PAQR5: variants seen among roughly 807,000 people sequenced by gnomAD.
The protein encoded by PAQR5 is membrane progestin receptor gamma.
A neutral mutation model predicts 34.5 loss-of-function variants in PAQR5; 20 were observed. The observed-to-expected ratio is 0.58, with a 90% CI of 0.41 to 0.84. PAQR5 has a LOEUF of 0.84. PAQR5 is among the 40% of genes least tolerant of loss of function. The pLI is 0.00. For missense variants in PAQR5, 378 were observed against 412.7 expected (o/e 0.92, Z 0.73); for synonymous variants, 131 against 155.6 (o/e 0.84, Z 1.18).
intron 1 of PAQR5, among the ~76,000 whole-genome samples, chr15:69,325,427 C>G (rs1419051696): frequency 6.6e-6 from 1 of 152,138 alleles, no homozygotes; most frequent in Non-Finnish European, 1.5e-5. Context: ...CTGCAATAAC[C>G]ACTGCTTTAC....
chr15:69,305,555 G>A (rs1456913179), intron 1 of PAQR5, among the ~76,000 whole-genome samples: 1 of 152,052 alleles, frequency 6.6e-6, no homozygotes, highest in Non-Finnish European at 1.5e-5. Context: ...CCTGTGGTTC[G>A]GGCCCGCACA....
chr15:69,399,219 G>A (rs1480987491), intron 7 of PAQR5, among the ~76,000 whole-genome samples: 1 of 152,180 alleles, frequency 6.6e-6, no homozygotes, highest in South Asian at 2.1e-4. Flanking sequence ...TGGATGTGCT[G>A]ATAAAAAGTG....
chr15:69,352,282 T>G (rs1036100750), intron 2 of PAQR5, among the ~76,000 whole-genome samples: 2 of 152,204 alleles, frequency 1.3e-5, no homozygotes, highest in African/African-American at 4.8e-5. Flanking sequence ...AACTGAATGC[T>G]TGACCATGGA....
intron 2 of PAQR5, among the ~76,000 whole-genome samples, chr15:69,358,755 T>G (rs749192142): frequency 6.6e-6 from 1 of 151,360 alleles, no homozygotes; most frequent in Non-Finnish European, 1.5e-5. Flanking sequence ...TAGCCCGCCC[T>G]TGAGTATAAC....
chr15:69,361,543 T>A (rs1197738701), intron 3 of PAQR5, among the ~76,000 whole-genome samples: 1 of 152,192 alleles, frequency 6.6e-6, no homozygotes, highest in Non-Finnish European at 1.5e-5. Context: ...TGACTCACAG[T>A]TCCTCATGGC....
chr15:69,355,426 T>C (rs1336767021), intron 2 of PAQR5, among the ~76,000 whole-genome samples: 1 of 150,444 alleles, frequency 6.6e-6, no homozygotes, highest in Non-Finnish European at 1.5e-5. Context: ...TTTTTCTTTT[T>C]CTTTTTTTTC....
chr15:69,349,634 A>AT (rs2054858683), intron 2 of PAQR5, among the ~76,000 whole-genome samples: 2 of 140,054 alleles, frequency 1.4e-5, no homozygotes, highest in Admixed American at 6.9e-5. Context: ...CCCTTAGTTT[A>AT]TTTTTATTTT....
At chr15:69,329,463 CTTTT>C (rs1038357937) in intron 1 of PAQR5, among the ~76,000 whole-genome samples, 7 of 73,758 alleles carry the variant, frequency 9.5e-5, no homozygotes, top group Non-Finnish European at 1.2e-4. Context: ...TTTTTTCTTT[CTTTT>C]TTTTTTTTTT....
intron 3 of PAQR5, among the ~76,000 whole-genome samples, chr15:69,371,054 G>C (rs943644364): frequency 6.6e-6 from 1 of 152,100 alleles, no homozygotes; most frequent in African/African-American, 2.4e-5. Context: ...GCAAAGTTGA[G>C]TTATAGTGTT....
In PAQR5 at chr15:69,389,789, C is replaced by G. The variant is rs200857504; in HGVS notation, c.512+9C>G. On this transcript the variant is annotated intron_variant, in intron 6 of 8. Transcript: ENST00000395407. The stretch of plus-strand genomic sequence containing the variant: ...CTCTCCTGCTACTCCAGGTACTGGT[C>G]GCTCTGACCTCAGATGGGAGGGGAG... The G allele has an allele frequency of 2.5e-6, 4 of 1,613,796 alleles. No homozygotes were observed. The South Asian group carries it at 4.4e-5, about 18-fold the overall frequency.
intron 1 of PAQR5, among the ~76,000 whole-genome samples, chr15:69,322,691 GGAA>G (rs780711031): frequency 0.049 from 1,243 of 25,398 alleles, 72 homozygotes; most frequent in Non-Finnish European, 0.064. Flanking sequence ...AAGGAGAAGA[GGAA>G]GAAGAAGAAG....
intron 6 of PAQR5, among the ~76,000 whole-genome samples, chr15:69,395,476 G>A (rs1055658268): frequency 1.3e-5 from 2 of 152,216 alleles, no homozygotes; most frequent in Non-Finnish European, 2.9e-5. Context: ...GGAGAGAATG[G>A]AGCTCCACGA....
intron 2 of PAQR5, among the ~76,000 whole-genome samples, chr15:69,351,832 C>A (rs2054927796): frequency 6.6e-6 from 1 of 152,104 alleles, no homozygotes; most frequent in Non-Finnish European, 1.5e-5. Flanking sequence ...TGAGATATCC[C>A]TTCTATAAGA....
chr15:69,393,204 A>G (rs2056319750), intron 6 of PAQR5, among the ~76,000 whole-genome samples: 1 of 151,656 alleles, frequency 6.6e-6, no homozygotes, highest in Admixed American at 6.6e-5. Context: ...TGCCCTTTGT[A>G]CCTCGTCCTC....
intron 1 of PAQR5, among the ~76,000 whole-genome samples, chr15:69,333,619 G>A (rs902781729): frequency 1.3e-5 from 2 of 152,206 alleles, no homozygotes; most frequent in Non-Finnish European, 2.9e-5. Flanking sequence ...CAGGGTAGAA[G>A]CATTGCACGG....
intron 2 of PAQR5, among the ~76,000 whole-genome samples, chr15:69,354,016 T>A (rs1052511827): frequency 3.9e-5 from 6 of 152,212 alleles, no homozygotes; most frequent in African/African-American, 1.4e-4. Context: ...AGGAAGAGTA[T>A]GTCTGGAATA....
chr15:69,385,031 GT>G lies in PAQR5; in HGVS notation c.385+153del. 1 of 631,826 alleles carries G rather than the reference GT, an allele frequency of 1.6e-6. No homozygotes were observed. The highest frequency in any genetic ancestry group is 2.8e-6 in the Non-Finnish European group (1 of 355,996). The allele number at this position is 631,826 out of a possible 1,614,324, so 39.1% of individuals were successfully genotyped here. On this transcript the variant is annotated intron_variant, in intron 5 of 8. Coordinates refer to ENST00000395407, the MANE Select transcript of PAQR5 (RefSeq NM_017705.4). This position sits in a 1 kb window ranked among gnomAD's most constrained non-coding sequence, Gnocchi z 4.7. ...GCCCCTGTCCAGGTTCCCAATGGGT[GT>G]TTTATAAGAAACTGTCCATAAGCAT... is the stretch of plus-strand genomic sequence containing the variant.
chr15:69,365,246 A>G (rs941567447), intron 3 of PAQR5, among the ~76,000 whole-genome samples: 7 of 152,150 alleles, frequency 4.6e-5, no homozygotes, highest in Admixed American at 4.6e-4. Context: ...AGCTGGGACT[A>G]CAGGCAAGTG....
rs201461155 is a variant in PAQR5, at chr15:69,360,096, C to T, written c.16C>T (p.Leu6Phe). ...CAGCTCCAAGATGCTGAGCCTGAAG[C>T]TCCCCAGGCTGTTTAGCATAGACCA... MLSLK[L>F]PRLFSIDQIP... is the part of the protein sequence containing the mutation. Residue 6 changes from leucine to phenylalanine, a missense_variant, in exon 3 of 9, where the codon CTC becomes TTC. By Grantham distance (22) the Leu-to-Phe change is conservative. Coordinates refer to ENST00000395407, the MANE Select transcript of PAQR5 (RefSeq NM_017705.4). 7 of 1,613,716 alleles carry T rather than the reference C, an allele frequency of 4.3e-6. No individual in the cohort carries two copies. Among genetic ancestry groups the T allele is most frequent in the East Asian group, 2.2e-5 (1 of 44,856 alleles).
Sources: allele counts gnomAD v4.1 joint callset (sites outside exome capture counted in the v4.1 genomes callset), GRCh38; gene constraint gnomAD v4.1.1; non-coding constraint Gnocchi (gnomAD v3.1); transcripts MANE v1.5; gene names NCBI Gene and HGNC (gene_info 2026-07-23, HGNC 2026-07-21).